RUNDC3B: variants seen among roughly 807,000 people sequenced by gnomAD.
RUNDC3B encodes the protein RUN domain containing 3B.
In RUNDC3B, 33 loss-of-function variants were observed where a neutral mutation model predicts 58.4. The ratio of observed to expected loss-of-function variants is 0.56; its 90% confidence interval spans 0.43 to 0.75. The LOEUF (loss-of-function observed/expected upper bound fraction) is 0.75, where lower values mean the gene tolerates loss of function less well. Among genes scored for constraint, RUNDC3B ranks in the 30% least tolerant of loss-of-function variants. The probability of loss-of-function intolerance (pLI) is 0.00; values close to 1 mark genes in which losing one functional copy is unlikely to be tolerated. For synonymous variants in RUNDC3B, 193 were observed against 195.2 expected, an observed-to-expected ratio of 0.99 and a Z score of 0.10; for missense variants, 501 against 535.7, an observed-to-expected ratio of 0.94 and a Z score of 0.64.
At chr7:87,665,923 T>G (rs1825185780) in intron 2 of RUNDC3B, among the ~76,000 whole-genome samples, 1 of 151,866 alleles carries the variant, frequency 6.6e-6, no homozygotes, top group Admixed American at 6.6e-5. Context: ...GTATCACATT[T>G]TCTTTAGTGC....
Position 87,831,587 on chromosome 7 carries a change from T to G in RUNDC3B, c.*1557T>G, listed in dbSNP as rs1386604635. The G allele has an allele frequency of 6.6e-6, 1 of 151,930 alleles. No individual in the cohort carries two copies. Among genetic ancestry groups the G allele is most frequent in the Non-Finnish European group, 1.5e-5 (1 of 67,876 alleles). 9.4% of individuals were successfully genotyped at this position (151,930 alleles called of 1,614,324 possible). A position where few individuals can be genotyped will look rare whatever the true frequency, so the allele number is the denominator to read the frequency against. On this transcript the variant is annotated 3_prime_UTR_variant, in exon 11 of 11. Transcript: ENST00000394654. ...ATACTTGTAGAAATGCAAATATTCT[T>G]GAGAAATGATACATTTTTTGTTCTC...
intron 4 of RUNDC3B, 83 bp downstream of exon 4, chr7:87,710,738 A>G (rs889774204): frequency 1.7e-5 from 12 of 692,994 alleles, no homozygotes; most frequent in Admixed American, 3.0e-5. Flanking sequence ...TGAAGAATCA[A>G]TTTCTAAAAT....
intron 6 of RUNDC3B, among the ~76,000 whole-genome samples, chr7:87,761,385 G>T (rs1833673503): frequency 6.6e-6 from 1 of 151,906 alleles, no homozygotes. Context: ...GTAAAATGAT[G>T]CAGTTGCTGT....
intron 2 of RUNDC3B, among the ~76,000 whole-genome samples, chr7:87,666,677 GA>G (rs970339581): frequency 2.0e-5 from 3 of 152,132 alleles, no homozygotes; most frequent in Non-Finnish European, 4.4e-5. Flanking sequence ...ATAGTGTAAG[GA>G]AGGGGTCCAG....
At chr7:87,727,974 A>T (rs533722952) in intron 4 of RUNDC3B, among the ~76,000 whole-genome samples, 1 of 152,290 alleles carries the variant, frequency 6.6e-6, no homozygotes, top group Admixed American at 6.5e-5. Flanking sequence ...TTATGAGCAA[A>T]GGAAAAAGTA....
At chr7:87,714,983 A>G (rs1830428574) in intron 4 of RUNDC3B, among the ~76,000 whole-genome samples, 2 of 151,914 alleles carry the variant, frequency 1.3e-5, no homozygotes. Flanking sequence ...ACAATACTGC[A>G]TGCAATTTTG....
intron 8 of RUNDC3B, among the ~76,000 whole-genome samples, chr7:87,781,963 C>G (rs1489148821): frequency 6.6e-6 from 1 of 151,520 alleles, no homozygotes; most frequent in East Asian, 1.9e-4. Context: ...TTTTGTCTTT[C>G]ATTTTGGTAT....
chr7:87,699,415 C>CT (rs202104063), intron 2 of RUNDC3B, among the ~76,000 whole-genome samples: 1,782 of 150,848 alleles, frequency 0.012, 23 homozygotes, highest in African/African-American at 0.028. Context: ...GTATAGAATT[C>CT]TTTTTTTTTA....
intron 2 of RUNDC3B, among the ~76,000 whole-genome samples, chr7:87,674,557 T>G (rs1826135455): frequency 6.6e-6 from 1 of 150,960 alleles, no homozygotes; most frequent in Non-Finnish European, 1.5e-5. Flanking sequence ...CAGTGGGGAG[T>G]CAGGGCATGG....
chr7:87,808,742 A>T (rs746695200), intron 9 of RUNDC3B, among the ~76,000 whole-genome samples: 4 of 152,100 alleles, frequency 2.6e-5, no homozygotes, highest in Non-Finnish European at 4.4e-5. Context: ...AATAACTAGA[A>T]TATATCTCAT....
intron 2 of RUNDC3B, among the ~76,000 whole-genome samples, chr7:87,690,580 A>G (rs1457486698): frequency 6.6e-6 from 1 of 152,194 alleles, no homozygotes; most frequent in African/African-American, 2.4e-5. Flanking sequence ...TTAAAAGATG[A>G]AAAATGCTGT....
chr7:87,720,142 A>C (rs1446942226), intron 4 of RUNDC3B, among the ~76,000 whole-genome samples: 1 of 152,134 alleles, frequency 6.6e-6, no homozygotes, highest in East Asian at 1.9e-4. Flanking sequence ...GGAGGAAAAG[A>C]CTAAAAATTT....
At chr7:87,700,576 C>T (rs778070123) in intron 3 of RUNDC3B, 22 bp downstream of exon 3, 8 of 1,582,344 alleles carry the variant, frequency 5.1e-6, no homozygotes, top group East Asian at 2.3e-5. Context: ...GTCAGAGACT[C>T]GTTTCTATTT....
intron 6 of RUNDC3B, among the ~76,000 whole-genome samples, chr7:87,765,019 C>T (rs77107712): frequency 0.011 from 1,741 of 151,580 alleles, 41 homozygotes; most frequent in African/African-American, 0.04. Context: ...CTGTTTCTTC[C>T]TGGTTCAATC....
At chr7:87,634,465 T>C (rs2130227122) in intron 1 of RUNDC3B, among the ~76,000 whole-genome samples, 1 of 87,798 alleles carries the variant, frequency 1.1e-5, no homozygotes, top group Admixed American at 1.7e-4. Flanking sequence ...CTACTAAAAA[T>C]ACAAACAGTC....
At chr7:87,652,600 C>T (rs1823681802) in intron 2 of RUNDC3B, among the ~76,000 whole-genome samples, 1 of 132,976 alleles carries the variant, frequency 7.5e-6, no homozygotes, top group South Asian at 2.2e-4. Context: ...AAATTTCTGT[C>T]AGTTGACTCT....
chr7:87,819,241 G>A (rs969367339), intron 10 of RUNDC3B, among the ~76,000 whole-genome samples: 2 of 152,108 alleles, frequency 1.3e-5, no homozygotes, highest in South Asian at 2.1e-4. Context: ...TGGGCTTCCT[G>A]AGTAAAAGGT....
At chr7:87,644,391 G>A (rs1278449333) in intron 1 of RUNDC3B, among the ~76,000 whole-genome samples, 1 of 152,202 alleles carries the variant, frequency 6.6e-6, no homozygotes, top group African/African-American at 2.4e-5. Flanking sequence ...TCACCCCTGT[G>A]TTAGAGACTA....
At chr7:87,817,117 C>T (rs577577810) in intron 10 of RUNDC3B, among the ~76,000 whole-genome samples, 19 of 152,266 alleles carry the variant, frequency 1.2e-4, no homozygotes, top group African/African-American at 4.6e-4. Flanking sequence ...CAATTTTTAC[C>T]CTGCCTTCTC....
Sources: gnomAD v4.1 joint callset for allele counts (sites outside exome capture counted in the v4.1 genomes callset) on GRCh38, gnomAD v4.1.1 for gene constraint, MANE v1.5 for transcripts, NCBI Gene and HGNC (gene_info 2026-07-23, HGNC 2026-07-21) for gene names.